Variants in PTPRM observed in about 807,000 individuals in gnomAD.
PTPRM encodes the protein protein tyrosine phosphatase receptor type M.
PTPRM carries 47 observed loss-of-function variants against 186.7 expected under a neutral mutation model. That is an observed-to-expected ratio of 0.25 (90% CI 0.20 to 0.32). The LOEUF is 0.32. Among genes scored for constraint, PTPRM ranks in the 10% least tolerant of loss-of-function variants. The probability of loss-of-function intolerance (pLI) is 1.00; values close to 1 mark genes in which losing one functional copy is unlikely to be tolerated. For missense variants in PTPRM, 1,494 were observed against 1,865.0 expected, an observed-to-expected ratio of 0.80 and a Z score of 3.66; for synonymous variants, 668 against 674.9, an observed-to-expected ratio of 0.99 and a Z score of 0.16.
intron 2 of PTPRM, among the ~76,000 whole-genome samples, chr18:7,865,009 G>A (rs2047605113): frequency 6.6e-6 from 1 of 152,082 alleles, no homozygotes; most frequent in South Asian, 2.1e-4. Flanking sequence ...GTCTATTATT[G>A]GTGCATAGGA....
chr18:7,621,652 C>T (rs571960422), intron 1 of PTPRM, among the ~76,000 whole-genome samples: 18 of 152,312 alleles, frequency 1.2e-4, no homozygotes, highest in Admixed American at 6.5e-4. Flanking sequence ...CCCCTGACAA[C>T]GACTGATCTT....
chr18:8,269,967 C>T (rs2094749801), intron 19 of PTPRM: 1 of 151,950 alleles, frequency 6.6e-6, no homozygotes, highest in Admixed American at 6.6e-5. Context: ...TGACATTGGT[C>T]TTGGCAATGT....
chr18:7,731,236 C>T (rs1384164691), intron 1 of PTPRM, among the ~76,000 whole-genome samples: 2 of 152,172 alleles, frequency 1.3e-5, no homozygotes, highest in Non-Finnish European at 2.9e-5. Flanking sequence ...AAATTCCTTT[C>T]AAAGACTTTA....
intron 13 of PTPRM, among the ~76,000 whole-genome samples, chr18:8,121,619 C>T (rs1051799840): frequency 8.5e-5 from 13 of 152,236 alleles, no homozygotes; most frequent in Middle Eastern, 3.4e-3. Context: ...TCTTTTCCAA[C>T]CAATACTTGG....
chr18:8,025,450 G>T (rs2148006170), intron 7 of PTPRM, among the ~76,000 whole-genome samples: 1 of 152,314 alleles, frequency 6.6e-6, no homozygotes, highest in South Asian at 2.1e-4. Context: ...AAATCTGCCT[G>T]ATTAGGTGCC....
At chr18:8,296,230 A>G in intron 19 of PTPRM, 138 bp from the exon 20 acceptor site, 1 of 614,340 alleles carries the variant, frequency 1.6e-6, no homozygotes, top group South Asian at 2.1e-5. Context: ...AATGTAGTGT[A>G]ATAATCCCTT....
chr18:8,328,049 T>C (rs947855785), intron 22 of PTPRM, among the ~76,000 whole-genome samples: 3 of 152,250 alleles, frequency 2.0e-5, no homozygotes, highest in Non-Finnish European at 4.4e-5. Context: ...GTTCAAACTT[T>C]GTTGTAGTGC....
intron 22 of PTPRM, among the ~76,000 whole-genome samples, chr18:8,334,996 C>T (rs572316671): frequency 2.7e-4 from 41 of 152,332 alleles, no homozygotes; most frequent in African/African-American, 9.4e-4. Flanking sequence ...GAGTCCGTTC[C>T]AACAACCAAA....
At chr18:7,868,538 G>A (rs1284904936) in intron 2 of PTPRM, among the ~76,000 whole-genome samples, 2 of 152,338 alleles carry the variant, frequency 1.3e-5, no homozygotes, top group East Asian at 3.9e-4. Context: ...CTGCAGAACA[G>A]CAAAGATTGC....
intron 2 of PTPRM, among the ~76,000 whole-genome samples, chr18:7,867,961 A>G (rs2047795117): frequency 6.6e-6 from 1 of 151,912 alleles, no homozygotes; most frequent in Non-Finnish European, 1.5e-5. Flanking sequence ...TCAATGCCTG[A>G]TATCCTCTCT....
chr18:7,999,432 G>T (rs1166596691), intron 7 of PTPRM, among the ~76,000 whole-genome samples: 1 of 152,046 alleles, frequency 6.6e-6, no homozygotes, highest in African/African-American at 2.4e-5. Context: ...GATAGTATCA[G>T]TATAGGCTAG....
intron 2 of PTPRM, among the ~76,000 whole-genome samples, chr18:7,805,008 A>G (rs2044161898): frequency 6.6e-6 from 1 of 152,228 alleles, no homozygotes; most frequent in Non-Finnish European, 1.5e-5. Context: ...AGATTGAGCC[A>G]ATGGAAAATA....
intron 1 of PTPRM, among the ~76,000 whole-genome samples, chr18:7,671,150 CA>C (rs1470128095): frequency 6.6e-6 from 1 of 152,140 alleles, no homozygotes. Context: ...AAACATCATG[CA>C]CCTCCTTGTG....
chr18:8,144,936 T>C (rs2092847147), intron 14 of PTPRM, among the ~76,000 whole-genome samples: 1 of 152,058 alleles, frequency 6.6e-6, no homozygotes, highest in South Asian at 2.1e-4. Flanking sequence ...GGTGGAGAGG[T>C]TGGCAGAGTG....
chr18:7,684,640 C>T (rs2039557419), intron 1 of PTPRM, among the ~76,000 whole-genome samples: 3 of 152,126 alleles, frequency 2.0e-5, no homozygotes, highest in African/African-American at 7.2e-5. Flanking sequence ...ACAAAATGTC[C>T]CCAAGGTTCA....
intron 2 of PTPRM, among the ~76,000 whole-genome samples, chr18:7,879,217 G>A (rs1308491891): frequency 2.6e-5 from 4 of 152,148 alleles, no homozygotes; most frequent in Non-Finnish European, 5.9e-5. Flanking sequence ...TCTGCAGTGA[G>A]CCTCTTCCAA....
At chr18:7,761,981 A>G (rs145665807) in intron 1 of PTPRM, among the ~76,000 whole-genome samples, 184 of 152,272 alleles carry the variant, frequency 1.2e-3, no homozygotes, top group African/African-American at 4.1e-3. Context: ...AACAGTTTTT[A>G]TTCTTACCTT....
intron 19 of PTPRM, among the ~76,000 whole-genome samples, chr18:8,255,769 T>A (rs2094568976): frequency 6.6e-6 from 1 of 152,246 alleles, no homozygotes; most frequent in Non-Finnish European, 1.5e-5. Context: ...GTGCCCCTTG[T>A]GCTGCCCTCC....
intron 2 of PTPRM, among the ~76,000 whole-genome samples, chr18:7,823,717 A>G (rs1175536780): frequency 6.6e-6 from 1 of 152,016 alleles, no homozygotes; most frequent in African/African-American, 2.4e-5. Flanking sequence ...TGGCTTTTGC[A>G]CTCTTGAACT....
Sources: gnomAD v4.1 joint callset for allele counts (sites outside exome capture counted in the v4.1 genomes callset) on GRCh38, gnomAD v4.1.1 for gene constraint, MANE v1.5 for transcripts, NCBI Gene and HGNC (gene_info 2026-07-23, HGNC 2026-07-21) for gene names.